Variants in KATNAL2 observed in about 807,000 individuals in gnomAD.
The protein encoded by KATNAL2 is katanin p60 ATPase-containing subunit A-like 2.
Under a neutral mutation model 76.3 loss-of-function variants are expected in KATNAL2, and 52 were observed. The ratio of observed to expected loss-of-function variants is 0.68; its 90% CI spans 0.55 to 0.86. The LOEUF (loss-of-function observed/expected upper bound fraction) is 0.86, where lower values mean the gene tolerates loss of function less well. Among genes scored for constraint, KATNAL2 ranks in the 40% least tolerant of loss-of-function variants. The pLI is 0.00. For missense variants in KATNAL2, 660 were observed against 668.9 expected, an observed-to-expected ratio of 0.99 and a Z score of 0.15; for synonymous variants, 243 against 244.2, an observed-to-expected ratio of 1.00 and a Z score of 0.05.
chr18:46,933,976 CTCA>C (rs1225512405), intron 1 of KATNAL2, among the ~76,000 whole-genome samples: 4 of 150,144 alleles, frequency 2.7e-5, no homozygotes, highest in Non-Finnish European at 5.9e-5. Context: ...AGGACATGAA[CTCA>C]TCATTTTTTA....
intron 3 of KATNAL2, among the ~76,000 whole-genome samples, chr18:47,040,286 C>A (rs1183338850): frequency 1.3e-5 from 2 of 152,180 alleles, no homozygotes; most frequent in African/African-American, 4.8e-5. Context: ...GGCTGGTAAC[C>A]ACAGTTGTTT....
At chr18:47,039,978 A>G (rs558159546) in intron 3 of KATNAL2, among the ~76,000 whole-genome samples, 130 of 152,322 alleles carry the variant, frequency 8.5e-4, no homozygotes, top group African/African-American at 2.9e-3. Flanking sequence ...CTTTAGAAAA[A>G]TGTAGATCAC....
At chr18:47,050,541 T>C (rs1166630303) in intron 4 of KATNAL2, among the ~76,000 whole-genome samples, 2 of 152,256 alleles carry the variant, frequency 1.3e-5, no homozygotes, top group Non-Finnish European at 2.9e-5. Context: ...AGTAGTTTGC[T>C]GCTTACAAAG....
intron 1 of KATNAL2, among the ~76,000 whole-genome samples, chr18:46,933,056 C>A (rs759324414): frequency 1.3e-5 from 2 of 152,148 alleles, no homozygotes; most frequent in African/African-American, 2.4e-5. Context: ...AGCCACTGCA[C>A]CCAGCCAAGG....
Position 47,031,520 on chromosome 18 carries a change from G to C in KATNAL2, c.52-14937G>C, listed in dbSNP as rs1159652061. On this transcript the variant is annotated intron_variant, in intron 3 of 17. Transcript: ENST00000683218. The stretch of plus-strand genomic sequence containing the variant: ...CGGGGAATGGGGATTCGGGTGTTAA[G>C]CCTTTTCTTATAAGTACCCTTCCAC... 2.0e-5 allele frequency among the ~76,000 whole-genome samples: 3 copies of C among 152,110 alleles called. No homozygotes were observed. In the South Asian group the frequency reaches 6.2e-4, roughly 32 times the overall value.
At chr18:47,071,953 C>CATTTT (rs2062020246) in intron 13 of KATNAL2, among the ~76,000 whole-genome samples, 1 of 43,950 alleles carries the variant, frequency 2.3e-5, no homozygotes, top group Non-Finnish European at 3.6e-5. Context: ...CCAATTTCTT[C>CATTTT]TTTTTTTTTT....
At chr18:47,096,326 T>C (rs969675955) in intron 15 of KATNAL2, among the ~76,000 whole-genome samples, 1 of 152,236 alleles carries the variant, frequency 6.6e-6, no homozygotes, top group African/African-American at 2.4e-5. Context: ...TTTTCATTGT[T>C]ACTCTTTTTT....
At chr18:46,935,597 G>A (rs2059064578) in intron 1 of KATNAL2, among the ~76,000 whole-genome samples, 1 of 151,854 alleles carries the variant, frequency 6.6e-6, no homozygotes, top group Admixed American at 6.6e-5. Context: ...ATAGTTTTAT[G>A]TATTTAAATA....
intron 1 of KATNAL2, among the ~76,000 whole-genome samples, chr18:46,919,411 T>C (rs1423363784): frequency 1.3e-5 from 2 of 151,598 alleles, no homozygotes; most frequent in Non-Finnish European, 2.9e-5. Context: ...GCTTGAACCC[T>C]GGAGGCGGAG....
intron 4 of KATNAL2, among the ~76,000 whole-genome samples, chr18:47,048,583 T>C (rs2061237059): frequency 6.6e-6 from 1 of 152,212 alleles, no homozygotes; most frequent in Non-Finnish European, 1.5e-5. Context: ...AGGGCAGGGC[T>C]GACTTTGGTC....
At chr18:46,928,900 A>G (rs777563115) in intron 1 of KATNAL2, among the ~76,000 whole-genome samples, 29 of 151,824 alleles carry the variant, frequency 1.9e-4, no homozygotes, top group Non-Finnish European at 2.4e-4. Flanking sequence ...AGTTCAAGCA[A>G]TTTTCCTGCC....
At chr18:47,033,056 G>A (rs1378139555) in intron 3 of KATNAL2, 2 of 1,614,126 alleles carry the variant, frequency 1.2e-6, no homozygotes. Context: ...GCCATCAGCG[G>A]GGCCACTTTC....
At chr18:47,032,878 C>T (rs1356821384) in intron 3 of KATNAL2, 1 of 1,566,916 alleles carries the variant, frequency 6.4e-7, no homozygotes, top group African/African-American at 1.4e-5. Flanking sequence ...CTGCAGAATT[C>T]AAAGGCTCAA....
chr18:47,099,518 C>A, intron 16 of KATNAL2, 113 bp downstream of exon 16: 2 of 1,005,014 alleles, frequency 2.0e-6, no homozygotes, highest in South Asian at 1.8e-5. Flanking sequence ...GAATAAGATC[C>A]AAGCTGCCCC....
At chr18:46,965,593 C>T (rs2060102848) in intron 3 of KATNAL2, among the ~76,000 whole-genome samples, 1 of 101,416 alleles carries the variant, frequency 9.9e-6, no homozygotes, top group African/African-American at 4.0e-5. Context: ...CCCCCCCCCC[C>T]CGCCCCCAAC....
chr18:47,057,037 G>A (rs1351883368), intron 6 of KATNAL2, among the ~76,000 whole-genome samples: 1 of 151,910 alleles, frequency 6.6e-6, no homozygotes, highest in Non-Finnish European at 1.5e-5. Flanking sequence ...TTCTCATGAC[G>A]CTCTCCCCAG....
chr18:46,962,005 C>G (rs541112230), intron 3 of KATNAL2, among the ~76,000 whole-genome samples: 1 of 152,282 alleles, frequency 6.6e-6, no homozygotes, highest in African/African-American at 2.4e-5. Context: ...TAACATTTTT[C>G]CTTTCTAAGT....
Position 47,033,028 on chromosome 18 carries a change from T to C in KATNAL2, c.52-13429T>C, listed in dbSNP as rs142085771. ...TTATCGTCGGGAGAATCTTCTCTTG[T>C]AGTCTCGAATTGCCTTGGCCATCAG... On this transcript the variant is annotated intron_variant, in intron 3 of 17. Transcript: ENST00000683218. 1,504 of 1,614,166 alleles carry C rather than the reference T, an allele frequency of 9.3e-4. 2 individuals are homozygous for C. Among genetic ancestry groups the C allele is most frequent in the Non-Finnish European group, 1.1e-3 (1,329 of 1,180,044 alleles).
At chr18:46,960,279 A>C (rs1304901255) in intron 3 of KATNAL2, among the ~76,000 whole-genome samples, 1 of 152,114 alleles carries the variant, frequency 6.6e-6, no homozygotes, top group East Asian at 1.9e-4. Flanking sequence ...CTCTACTAAA[A>C]ATATAAAAAA....
Sources: allele counts gnomAD v4.1 joint callset (sites outside exome capture counted in the v4.1 genomes callset), GRCh38; gene constraint gnomAD v4.1.1; transcripts MANE v1.5; gene names NCBI Gene and HGNC (gene_info 2026-07-23, HGNC 2026-07-21).